Variants in CNBD1 observed in about 807,000 individuals in gnomAD.
CNBD1 encodes cyclic nucleotide binding domain containing 1, also known as cyclic nucleotide-binding domain-containing protein 1.
CNBD1 carries 71 observed loss-of-function variants against 54.4 expected under a neutral mutation model. The ratio of observed to expected loss-of-function variants is 1.30; its 90% CI spans 1.08 to 1.59. CNBD1 has a LOEUF of 1.59. Ranked by LOEUF, CNBD1 falls within the 40% of genes most tolerant of loss-of-function variation. The pLI is 0.00. For synonymous variants in CNBD1, 182 were observed against 170.7 expected, an observed-to-expected ratio of 1.07 and a Z score of -0.51; for missense variants, 659 against 518.0, an observed-to-expected ratio of 1.27 and a Z score of -2.64.
chr8:87,373,379 A>C (rs568989123), intron 10 of CNBD1, among the ~76,000 whole-genome samples: 2 of 151,946 alleles, frequency 1.3e-5, no homozygotes, highest in East Asian at 3.9e-4. Context: ...GAGTGCTGCT[A>C]GGCAGAATTT....
chr8:87,040,243 A>G (rs1810035858), intron 4 of CNBD1, among the ~76,000 whole-genome samples: 1 of 152,176 alleles, frequency 6.6e-6, no homozygotes, highest in Non-Finnish European at 1.5e-5. Context: ...AGTTCTTCCC[A>G]TAGTTAATTT....
intron 6 of CNBD1, among the ~76,000 whole-genome samples, chr8:87,282,247 TTC>T (rs1808615119): frequency 6.6e-6 from 1 of 151,764 alleles, no homozygotes; most frequent in Admixed American, 6.6e-5. Flanking sequence ...TGCTTGTCTG[TTC>T]TGAGTGTTTG....
rs74714750 is a variant in CNBD1 at position 87,124,568 on chromosome 8, G to A, written c.432-81425G>A. ...GATGAAAATTATATGACCATTTAAT[G>A]GACATAGAAAAATCATTTGACAAAA... is the stretch of plus-strand genomic sequence containing the variant. On this transcript the variant is annotated intron_variant, in intron 4 of 10. Transcript: ENST00000518476. 8.4e-4 allele frequency among the ~76,000 whole-genome samples: 127 copies of A among 151,672 alleles called. 1 individual carries two copies. Among genetic ancestry groups the A allele is most frequent in the South Asian group, 7.5e-3 (36 of 4,814 alleles).
intron 5 of CNBD1, among the ~76,000 whole-genome samples, chr8:87,208,913 G>A (rs1367855): frequency 0.57 from 86,164 of 151,676 alleles, 25,163 homozygotes; most frequent in African/African-American, 0.65. Flanking sequence ...ATATTACTAA[G>A]GTTCTAACAT....
intron 4 of CNBD1, among the ~76,000 whole-genome samples, chr8:87,045,165 A>G (rs1297943328): frequency 6.6e-6 from 1 of 152,144 alleles, no homozygotes; most frequent in Admixed American, 6.5e-5. Context: ...GTGGGGTTCC[A>G]TTTGCAGCAC....
intron 4 of CNBD1, among the ~76,000 whole-genome samples, chr8:87,157,596 G>T (rs1269787275): frequency 6.6e-6 from 1 of 152,038 alleles, no homozygotes; most frequent in Non-Finnish European, 1.5e-5. Flanking sequence ...AAACATTTAT[G>T]TTCCTCCTTC....
At chr8:86,958,611 T>C (rs868576702) in intron 4 of CNBD1, among the ~76,000 whole-genome samples, 7 of 152,214 alleles carry the variant, frequency 4.6e-5, no homozygotes, top group South Asian at 2.1e-4. Flanking sequence ...TTGGTCTTTA[T>C]TGGTTTAAAG....
At chr8:87,183,362 G>C (rs1420622555) in intron 4 of CNBD1, among the ~76,000 whole-genome samples, 1 of 132,004 alleles carries the variant, frequency 7.6e-6, no homozygotes, top group Non-Finnish European at 1.6e-5. Flanking sequence ...TTGTTTGTTT[G>C]TTTGTTTGTT....
In CNBD1 at chr8:86,966,359, G is replaced by A. The variant is rs533365282; in HGVS notation, c.431+26605G>A. On this transcript the variant is annotated intron_variant, in intron 4 of 10. Transcript: ENST00000518476. Reference sequence around the variant, plus strand: ...TGTCCGGAATTGGTTGCTTCCGGTCGGTTCTTGGTCTCACTGACTTCAAGA... The same window carrying A: ...TGTCCGGAATTGGTTGCTTCCGGTCAGTTCTTGGTCTCACTGACTTCAAGA... 6.6e-5 allele frequency among the ~76,000 whole-genome samples: 10 copies of A among 152,304 alleles called. No homozygotes were observed. The South Asian group carries it at 1.5e-3, about 22-fold the overall frequency.
At chr8:87,318,849 C>A (rs1273225709) in intron 8 of CNBD1, among the ~76,000 whole-genome samples, 2 of 151,974 alleles carry the variant, frequency 1.3e-5, no homozygotes, top group East Asian at 1.9e-4. Flanking sequence ...ATGAATCACA[C>A]CTTAGCATAC....
intron 5 of CNBD1, among the ~76,000 whole-genome samples, chr8:87,226,747 C>T (rs543973962): frequency 3.5e-4 from 53 of 151,934 alleles, no homozygotes; most frequent in African/African-American, 1.2e-3. Context: ...CTGTAGATGT[C>T]TATTAGGTCC....
intron 6 of CNBD1, among the ~76,000 whole-genome samples, chr8:87,258,556 G>T (rs1215824547): frequency 1.3e-5 from 2 of 151,834 alleles, no homozygotes; most frequent in African/African-American, 4.8e-5. Flanking sequence ...CTCCCAAAGT[G>T]CTTTACAGGC....
chr8:86,971,791 T>TCTG (rs1808224675), intron 4 of CNBD1, among the ~76,000 whole-genome samples: 1 of 152,170 alleles, frequency 6.6e-6, no homozygotes, highest in South Asian at 2.1e-4. Context: ...TAGCTCTCTC[T>TCTG]ATATTTGTAA....
At chr8:86,888,521 C>G (rs575998652) in intron 2 of CNBD1, among the ~76,000 whole-genome samples, 1 of 152,206 alleles carries the variant, frequency 6.6e-6, no homozygotes, top group South Asian at 2.1e-4. Context: ...TACTACATTT[C>G]TCTGCCTTGG....
intron 2 of CNBD1, among the ~76,000 whole-genome samples, chr8:87,415,590 C>A (rs1031714008): frequency 9.2e-5 from 14 of 151,952 alleles, no homozygotes; most frequent in African/African-American, 3.1e-4. Context: ...CTAGTTGTTG[C>A]AATTCCTGAA....
intron 8 of CNBD1, among the ~76,000 whole-genome samples, chr8:87,316,594 G>T (rs1809392997): frequency 6.6e-6 from 1 of 151,854 alleles, no homozygotes; most frequent in Non-Finnish European, 1.5e-5. Flanking sequence ...GAGGTTCAAA[G>T]ATAGATGTAC....
At chr8:86,977,491 G>A (rs998383205) in intron 4 of CNBD1, among the ~76,000 whole-genome samples, 3 of 152,120 alleles carry the variant, frequency 2.0e-5, no homozygotes, top group East Asian at 3.9e-4. Context: ...AACTAGGTTA[G>A]CTAAGAAGCA....
At chr8:87,269,380 C>T (rs1808320662) in intron 6 of CNBD1, among the ~76,000 whole-genome samples, 2 of 151,962 alleles carry the variant, frequency 1.3e-5, no homozygotes, top group South Asian at 4.1e-4. Flanking sequence ...GTTCTTTTTG[C>T]TTAAAATTTG....
chr8:87,338,493 G>T (rs1048927180), intron 8 of CNBD1, among the ~76,000 whole-genome samples: 3 of 151,412 alleles, frequency 2.0e-5, no homozygotes, highest in Admixed American at 2.0e-4. Flanking sequence ...GTTTTGTTTT[G>T]TTTTTCAACA....
Sources: gnomAD v4.1 joint callset for allele counts (sites outside exome capture counted in the v4.1 genomes callset) on GRCh38, gnomAD v4.1.1 for gene constraint, MANE v1.5 for transcripts, NCBI Gene and HGNC (gene_info 2026-07-23, HGNC 2026-07-21) for gene names.